RHOBTB1: variants seen among roughly 807,000 people sequenced by gnomAD.
RHOBTB1 encodes the protein rho-related BTB domain-containing protein 1.
A neutral mutation model predicts 71.6 loss-of-function variants in RHOBTB1; 40 were observed. That is an observed-to-expected ratio of 0.56 (90% CI 0.43 to 0.73). The LOEUF is 0.73. Among genes scored for constraint, RHOBTB1 ranks in the 30% least tolerant of loss-of-function variants. The pLI is 0.00. For missense variants in RHOBTB1, 797 were observed against 894.0 expected (o/e 0.89, Z 1.38); for synonymous variants, 319 against 334.9 (o/e 0.95, Z 0.52).
chr10:60,917,545 T>G (rs1421739837), intron 2 of RHOBTB1, among the ~76,000 whole-genome samples: 1 of 152,178 alleles, frequency 6.6e-6, no homozygotes, highest in African/African-American at 2.4e-5. Flanking sequence ...GGCAGCTGTC[T>G]TCTTGTGGTG....
At chr10:60,997,534 A>G (rs1197434328) in intron 1 of RHOBTB1, among the ~76,000 whole-genome samples, 2 of 152,250 alleles carry the variant, frequency 1.3e-5, no homozygotes, top group African/African-American at 4.8e-5. Flanking sequence ...GTGCTTAAAG[A>G]TAAGCCATCA....
intron 2 of RHOBTB1, among the ~76,000 whole-genome samples, chr10:60,938,517 A>G (rs2084723879): frequency 6.6e-6 from 1 of 152,200 alleles, no homozygotes; most frequent in African/African-American, 2.4e-5. Flanking sequence ...TCAACTCTCT[A>G]TGACTCAACT....
chr10:60,994,751 CTG>C (rs930039631), intron 1 of RHOBTB1, among the ~76,000 whole-genome samples: 1 of 152,008 alleles, frequency 6.6e-6, no homozygotes, highest in Admixed American at 6.6e-5. Context: ...TAAAAAATAA[CTG>C]TCATACATGC....
chr10:60,967,686 T>G (rs1452100235), intron 2 of RHOBTB1, among the ~76,000 whole-genome samples: 1 of 152,130 alleles, frequency 6.6e-6, no homozygotes, highest in Non-Finnish European at 1.5e-5. Context: ...ACACTTTGCA[T>G]TCTAAATGCC....
rs371277757 is a variant in RHOBTB1 at position 60,888,247 on chromosome 10, C to G, written c.1421G>C (p.Arg474Pro). 6.2e-7 allele frequency: 1 copy of G among 1,614,020 alleles called. No homozygotes were observed. The highest frequency in any genetic ancestry group is 8.5e-7 in the Non-Finnish European group (1 of 1,179,978). Residue 474 changes from arginine (R) to proline (P), a missense_variant, in exon 6 of 11, where the codon CGG becomes CCG. By Grantham distance (103) the Arg-to-Pro change is moderately radical (BLOSUM62 -2). Coordinates refer to ENST00000337910, the MANE Select transcript of RHOBTB1 (RefSeq NM_014836.5). ...TKAFHVRKAN[R>P]IKECLSKGTF... is the part of the protein sequence containing the mutation. Reference sequence around the variant, plus strand: ...TCCCTTGCTGAGACACTCTTTTATCCGATTGGCTTTCCTTACGTGAAAGGC... The same window carrying G: ...TCCCTTGCTGAGACACTCTTTTATCGGATTGGCTTTCCTTACGTGAAAGGC...
intron 2 of RHOBTB1, among the ~76,000 whole-genome samples, chr10:60,957,817 T>G (rs1169447361): frequency 9.2e-5 from 14 of 152,204 alleles, no homozygotes; most frequent in Admixed American, 9.2e-4. Context: ...CCACTGTATC[T>G]CCTTTACCAT....
At chr10:60,975,038 T>C (rs1202504350) in intron 2 of RHOBTB1, among the ~76,000 whole-genome samples, 1 of 152,032 alleles carries the variant, frequency 6.6e-6, no homozygotes, top group African/African-American at 2.4e-5. Context: ...ACCACATTAA[T>C]TAAAATGCTT....
intron 1 of RHOBTB1, among the ~76,000 whole-genome samples, chr10:60,992,300 G>T (rs1421105090): frequency 6.6e-6 from 1 of 152,054 alleles, no homozygotes; most frequent in Non-Finnish European, 1.5e-5. Context: ...AGATGTAACT[G>T]GTTTTATGAT....
intron 2 of RHOBTB1, among the ~76,000 whole-genome samples, chr10:60,929,902 G>A (rs1206439675): frequency 6.6e-6 from 1 of 152,066 alleles, no homozygotes; most frequent in Non-Finnish European, 1.5e-5. Context: ...CCTACAAAAA[G>A]ACAGCTTTCT....
At position 60,879,225 on chromosome 10, in the gene RHOBTB1, A is replaced by G. The variant is rs140738374; in HGVS notation, c.1576-1167T>C. Among the ~76,000 whole-genome samples the G allele has an allele frequency of 6.9e-4, 105 of 152,358 alleles. 3 individuals are homozygous for G. The East Asian group carries it at 0.012, about 18-fold the overall frequency. The stretch of plus-strand genomic sequence containing the variant: ...TCAGAATTTCTCTGCGGTGCTGGAA[A>G]TGTTTAATGCCAAGGAAACAAAGGT... On this transcript the variant is annotated intron_variant, in intron 7 of 10. Coordinates refer to ENST00000337910, the MANE Select transcript of RHOBTB1 (RefSeq NM_014836.5).
chr10:60,956,274 A>G (rs1463142793), intron 2 of RHOBTB1, among the ~76,000 whole-genome samples: 1 of 152,204 alleles, frequency 6.6e-6, no homozygotes, highest in Non-Finnish European at 1.5e-5. Flanking sequence ...GACTAAAAAA[A>G]TGGTATGCCT....
chr10:60,887,917 C>T (rs889285717), intron 6 of RHOBTB1, among the ~76,000 whole-genome samples: 4 of 152,134 alleles, frequency 2.6e-5, no homozygotes, highest in African/African-American at 9.7e-5. Context: ...TTGATACCCA[C>T]AAGAGCATGG....
intron 1 of RHOBTB1, among the ~76,000 whole-genome samples, chr10:60,996,634 G>C (rs2393709): frequency 0.49 from 74,927 of 151,930 alleles, 18,993 homozygotes; most frequent in African/African-American, 0.61. Context: ...TTCTCAGGAG[G>C]ACGTCCAGAG....
In RHOBTB1 at chr10:60,959,866, G is replaced by A. The variant is rs117580332; in HGVS notation, c.-61-18012C>T. On this transcript the variant is annotated intron_variant, in intron 2 of 11. Coordinates refer to the RHOBTB1 transcript ENST00000357917. ...TATAATGGGAAAGAAACCTCAAAGT[G>A]TTTCTTTGAAGATTAAATACAATTA... Among the ~76,000 whole-genome samples, 400 of 152,222 alleles carry A rather than the reference G, an allele frequency of 2.6e-3. 3 individuals are homozygous for A. The highest frequency in any genetic ancestry group is 3.2e-3 in the Non-Finnish European group (217 of 68,004).
At chr10:60,899,121 A>G (rs1421542471) in intron 4 of RHOBTB1, among the ~76,000 whole-genome samples, 1 of 152,196 alleles carries the variant, frequency 6.6e-6, no homozygotes, top group Non-Finnish European at 1.5e-5. Flanking sequence ...TATACTTGGC[A>G]AATCATACTC....
At chr10:60,995,212 T>C (rs1161107307) in intron 1 of RHOBTB1, among the ~76,000 whole-genome samples, 1 of 152,290 alleles carries the variant, frequency 6.6e-6, no homozygotes, top group Admixed American at 6.5e-5. Flanking sequence ...GGGAAATTCT[T>C]ACATGCTGGC....
At chr10:60,910,734 AT>A (rs201385892) in intron 4 of RHOBTB1, 152 bp downstream of exon 4, 68 of 559,908 alleles carry the variant, frequency 1.2e-4, no homozygotes, top group South Asian at 3.3e-4. Flanking sequence ...AAACAATACC[AT>A]TTTTTTTTCT....
chr10:60,902,754 C>T (rs2082472042), intron 4 of RHOBTB1, among the ~76,000 whole-genome samples: 1 of 152,104 alleles, frequency 6.6e-6, no homozygotes, highest in African/African-American at 2.4e-5. Flanking sequence ...ATTTGTTATT[C>T]TTATTACAAA....
chr10:60,915,841 C>T (rs1010122891), intron 2 of RHOBTB1, among the ~76,000 whole-genome samples: 2 of 152,176 alleles, frequency 1.3e-5, no homozygotes, highest in African/African-American at 4.8e-5. Flanking sequence ...GTTCTTGGGC[C>T]TACAGGATGG....
Sources: allele counts gnomAD v4.1 joint callset (sites outside exome capture counted in the v4.1 genomes callset), GRCh38; gene constraint gnomAD v4.1.1; transcripts MANE v1.5; gene names NCBI Gene and HGNC (gene_info 2026-07-23, HGNC 2026-07-21).